The following NUP153 variants were observed in gnomAD, a reference collection of about 807,000 sequenced individuals.
NUP153 encodes the protein nucleoporin 153, also known as nuclear pore complex protein Nup153.
Under a neutral mutation model 134.6 loss-of-function variants are expected in NUP153, and 27 were observed. That is an observed-to-expected ratio of 0.20 (90% CI 0.15 to 0.28). NUP153 has a LOEUF of 0.28. Among genes scored for constraint, NUP153 ranks in the 10% least tolerant of loss-of-function variants. NUP153 has a pLI of 1.00. For synonymous variants in NUP153, 640 were observed against 623.5 expected (o/e 1.03, Z -0.40); for missense variants, 1,821 against 1,731.3 (o/e 1.05, Z -0.92).
At chr6:17,691,997 A>G (rs1464585431) in intron 1 of NUP153, among the ~76,000 whole-genome samples, 1 of 152,146 alleles carries the variant, frequency 6.6e-6, no homozygotes, top group Non-Finnish European at 1.5e-5. Flanking sequence ...AGATTTAAAA[A>G]TTTTTTGGGG....
chr6:17,678,197 AAC>A (rs1768341181), intron 2 of NUP153, among the ~76,000 whole-genome samples: 2 of 151,846 alleles, frequency 1.3e-5, no homozygotes, highest in Non-Finnish European at 2.9e-5. Flanking sequence ...CCCTACTAAA[AAC>A]ACAAAAATTA....
At position 17,624,824 on chromosome 6, in the gene NUP153, A is replaced by G; in HGVS notation, c.3911T>C (p.Phe1304Ser). Reference sequence around the variant, plus strand: ...TGCTGAGGGTCCAGTTCCAAATACAAAGGAGGATCCTGGAGGCCCAAAGAA... The same window carrying G: ...TGCTGAGGGTCCAGTTCCAAATACAGAGGAGGATCCTGGAGGCCCAAAGAA... Reference protein sequence around the residue: ...TTTSSSAGSSFVFGTGPSAPS... With the variant: ...TTTSSSAGSSSVFGTGPSAPS... Residue 1304 changes from phenylalanine (F) to serine (S), a missense_variant, in exon 20 of 22, where the codon TTT (phenylalanine) becomes TCT (serine). By Grantham distance (155) the Phe-to-Ser change is radical. Coordinates refer to ENST00000262077, the MANE Select transcript of NUP153 (RefSeq NM_005124.4). 6.2e-7 allele frequency: 1 copy of G among 1,601,230 alleles called. No individual in the cohort carries two copies. Among genetic ancestry groups the G allele is most frequent in the Non-Finnish European group, 8.5e-7 (1 of 1,171,644 alleles).
At chr6:17,679,882 G>A (rs2113839544) in intron 2 of NUP153, among the ~76,000 whole-genome samples, 1 of 152,240 alleles carries the variant, frequency 6.6e-6, no homozygotes, top group South Asian at 2.1e-4. Context: ...CAAGGTTGCA[G>A]AGAGTCCACC....
chr6:17,691,610 C>T (rs1769277378), intron 1 of NUP153, among the ~76,000 whole-genome samples: 1 of 151,968 alleles, frequency 6.6e-6, no homozygotes, highest in Non-Finnish European at 1.5e-5. Context: ...ACTAAAAATA[C>T]AAAAATTAGC....
intron 1 of NUP153, among the ~76,000 whole-genome samples, chr6:17,693,939 T>C (rs1769454186): frequency 6.6e-6 from 1 of 152,230 alleles, no homozygotes; most frequent in African/African-American, 2.4e-5. Flanking sequence ...ATGGCCTCTT[T>C]ACTTTTTCAG....
At chr6:17,659,360 T>C (rs1414221142) in intron 11 of NUP153, among the ~76,000 whole-genome samples, 5 of 152,252 alleles carry the variant, frequency 3.3e-5, no homozygotes, top group African/African-American at 9.6e-5. Context: ...AAAGATGTGT[T>C]TGAGCCTAGT....
chr6:17,691,455 G>C (rs1769269117), intron 1 of NUP153, among the ~76,000 whole-genome samples: 1 of 152,062 alleles, frequency 6.6e-6, no homozygotes, highest in South Asian at 2.1e-4. Flanking sequence ...GTGTTTAAAA[G>C]CTATAATACA....
At chr6:17,635,443 C>A (rs546686290) in intron 16 of NUP153, among the ~76,000 whole-genome samples, 1 of 152,042 alleles carries the variant, frequency 6.6e-6, no homozygotes, top group Admixed American at 6.6e-5. Flanking sequence ...ACTCTGTCAC[C>A]CAGGCTGAAG....
chr6:17,655,709 C>A (rs925161692), intron 11 of NUP153, among the ~76,000 whole-genome samples: 22 of 152,054 alleles, frequency 1.4e-4, no homozygotes. Context: ...CGGCCTCAGC[C>A]TTCCCAAAGT....
Position 17,675,831 on chromosome 6 carries a change from G to C in NUP153, c.335-61C>G, listed in dbSNP as rs1046784174. On this transcript the variant is annotated intron_variant, in intron 2 of 21. Transcript: ENST00000262077. The surrounding 1 kb of genome is among the most constrained non-coding windows in gnomAD (Gnocchi z 4.4). ...CTTAGAGCGATACACTACCACAAAT[G>C]GTTTTTACTTTAAGAAAACACATTA... 2 of 1,520,632 alleles carry C rather than the reference G, an allele frequency of 1.3e-6. No homozygotes were observed. Among genetic ancestry groups the C allele is most frequent in the Non-Finnish European group, 1.8e-6 (2 of 1,097,756 alleles). The allele number at this position is 1,520,632 out of a possible 1,614,324, so 94.2% of individuals were successfully genotyped here. A position where few individuals can be genotyped will look rare whatever the true frequency, so the allele number is the denominator to read the frequency against.
intron 5 of NUP153, among the ~76,000 whole-genome samples, chr6:17,671,358 T>A (rs1315479441): frequency 6.6e-6 from 1 of 152,322 alleles, no homozygotes; most frequent in East Asian, 1.9e-4. Context: ...CTACTATACA[T>A]AAGAGTTTGT....
Position 17,628,733 on chromosome 6 carries a change from T to A in NUP153, c.3466A>T (p.Thr1156Ser). 1 of 1,614,148 alleles carries A rather than the reference T, an allele frequency of 6.2e-7. No homozygotes were observed. The highest frequency in any genetic ancestry group is 8.5e-7 in the Non-Finnish European group (1 of 1,180,016). Residue 1156 changes from threonine (T) to serine (S), a missense_variant, in exon 18 of 22, where the codon ACA becomes TCA. By Grantham distance (58) the Thr-to-Ser change is moderately conservative (BLOSUM62 1). Transcript: ENST00000262077. This position sits in a 1 kb window ranked among gnomAD's most constrained non-coding sequence, Gnocchi z 5.4. ...TCAGATTCCTTCTCAGATGGTTTTG[T>A]CATACTAAAACTAAATGTGGACTTT... Reference protein sequence around the residue: ...SSKSTFSFSMTKPSEKESEQP... With the variant: ...SSKSTFSFSMSKPSEKESEQP...
intron 11 of NUP153, 73 bp downstream of exon 11, chr6:17,661,580 A>G (rs1266974563): frequency 1.7e-5 from 25 of 1,449,446 alleles, no homozygotes; most frequent in Non-Finnish European, 2.3e-5. Context: ...CCACCCCTAC[A>G]GGTCTCCCCT....
chr6:17,622,299 C>T (rs184492841), intron 20 of NUP153, among the ~76,000 whole-genome samples: 2 of 152,168 alleles, frequency 1.3e-5, no homozygotes, highest in East Asian at 1.9e-4. Context: ...ACCACGCCCC[C>T]CTCCAAAAAT....
chr6:17,663,232 TACAC>T (rs35061480), intron 9 of NUP153, among the ~76,000 whole-genome samples: 7,853 of 143,860 alleles, frequency 0.055, 326 homozygotes, highest in African/African-American at 0.12. Context: ...AAGAAAAAAA[TACAC>T]ACACACACAC....
In NUP153 at chr6:17,675,592, A is replaced by G; in HGVS notation, c.513T>C (p.Asp171=). 1.2e-6 allele frequency: 2 copies of G among 1,614,110 alleles called. No individual in the cohort carries two copies. Among genetic ancestry groups the G allele is most frequent in the Non-Finnish European group, 1.7e-6 (2 of 1,179,954 alleles). The part of the protein sequence containing the change: ...SGFSLVKEIK[D]STSQHDDDNI... The stretch of plus-strand genomic sequence containing the variant: ...TATCATCATCATGCTGAGAGGTAGA[A>G]TCTTTAATTTCCTTTACAAGGGAAA... Residue 171 remains aspartate (D), a synonymous_variant, in exon 3 of 22, where the codon GAT becomes GAC. Transcript: ENST00000262077. This position sits in a 1 kb window ranked among gnomAD's most constrained non-coding sequence, Gnocchi z 4.4.
intron 2 of NUP153, among the ~76,000 whole-genome samples, chr6:17,687,042 A>C (rs1404575875): frequency 6.6e-6 from 1 of 152,140 alleles, no homozygotes; most frequent in East Asian, 1.9e-4. Flanking sequence ...TTATACATTT[A>C]ATAATATAAT....
chr6:17,645,940 T>C, intron 14 of NUP153, 127 bp downstream of exon 14: 1 of 450,324 alleles, frequency 2.2e-6, no homozygotes, highest in Non-Finnish European at 4.0e-6. Context: ...AGTGCCTGCT[T>C]GCTTTTCAGA....
intron 2 of NUP153, among the ~76,000 whole-genome samples, chr6:17,683,339 A>G (rs1236839269): frequency 1.3e-5 from 2 of 152,190 alleles, no homozygotes; most frequent in Non-Finnish European, 2.9e-5. Flanking sequence ...AGCCATATGA[A>G]AGGTATTTCT....
Sources: gnomAD v4.1 joint callset for allele counts (sites outside exome capture counted in the v4.1 genomes callset) on GRCh38, gnomAD v4.1.1 for gene constraint, Gnocchi (gnomAD v3.1) non-coding constraint, MANE v1.5 for transcripts, NCBI Gene and HGNC (gene_info 2026-07-23, HGNC 2026-07-21) for gene names.